The following RASSF3 variants were observed in gnomAD, a reference collection of about 807,000 sequenced individuals.
RASSF3 encodes the protein Ras association domain family member 3.
A neutral mutation model predicts 19.9 loss-of-function variants in RASSF3; 19 were observed. The observed-to-expected ratio is 0.96, with a 90% CI of 0.67 to 1.40. The LOEUF (loss-of-function observed/expected upper bound fraction) is 1.40. RASSF3 is among the 40% of genes most tolerant of loss of function. The probability of loss-of-function intolerance (pLI) is 0.00; values close to 1 mark genes in which losing one functional copy is unlikely to be tolerated. For missense variants in RASSF3, 306 were observed against 289.8 expected, an observed-to-expected ratio of 1.06 and a Z score of -0.41; for synonymous variants, 110 against 104.2, an observed-to-expected ratio of 1.06 and a Z score of -0.34.
At chr12:64,528,436 G>T (rs749129054), upstream of RASSF3, among the ~76,000 whole-genome samples, 1 of 152,176 alleles carries the variant, frequency 6.6e-6, no homozygotes, top group Non-Finnish European at 1.5e-5. Context: ...GATTTTCAAA[G>T]GTCATGCAGG....
Position 64,580,478 on chromosome 12 carries a change from GC to G in RASSF3, c.294+38774del, listed in dbSNP as rs1869673751. Among the ~76,000 whole-genome samples, 3 of 151,702 alleles carry G rather than the reference GC, an allele frequency of 2.0e-5. No homozygotes were observed. The South Asian group carries it at 6.2e-4, about 32-fold the overall frequency. On this transcript the variant is annotated intron_variant, in intron 2 of 5. Transcript: ENST00000637125. ...TCCTGGGAGGCTGGGGTGGGAAGAT[GC>G]TTTGAGTCCAGGAGATCGAGGCTGC...
chr12:64,604,376 T>C (rs1419262797), intron 2 of RASSF3, among the ~76,000 whole-genome samples: 2 of 152,208 alleles, frequency 1.3e-5, no homozygotes, highest in Non-Finnish European at 2.9e-5. Flanking sequence ...TCTGCCTGCC[T>C]CAGCCTCTCC....
At chr12:64,648,535 A>G (rs1252372611) in intron 1 of RASSF3, among the ~76,000 whole-genome samples, 1 of 146,664 alleles carries the variant, frequency 6.8e-6, no homozygotes, top group African/African-American at 2.5e-5. Context: ...TTTTTTTTTG[A>G]GATGGAGCAC....
At chr12:64,582,757 T>C (rs1345953235) in intron 2 of RASSF3, among the ~76,000 whole-genome samples, 1 of 152,182 alleles carries the variant, frequency 6.6e-6, no homozygotes, top group African/African-American at 2.4e-5. Flanking sequence ...GAATCAGACC[T>C]GGAGTCTTTC....
chr12:64,686,687 C>G (rs1471099374), intron 2 of RASSF3, among the ~76,000 whole-genome samples: 1 of 152,000 alleles, frequency 6.6e-6, no homozygotes, highest in Non-Finnish European at 1.5e-5. Context: ...ATTAGCCAGG[C>G]ATGGTGGCGG....
At chr12:64,621,968 G>A (rs1201066131) in intron 1 of RASSF3, among the ~76,000 whole-genome samples, 1 of 152,140 alleles carries the variant, frequency 6.6e-6, no homozygotes, top group Non-Finnish European at 1.5e-5. Flanking sequence ...AAAAAAGGGT[G>A]ACTAGAAGTT....
rs1196771176 is a variant in RASSF3 at position 64,696,513 on chromosome 12, T to G, written c.*1601T>G. The G allele has an allele frequency of 6.6e-6, 1 of 152,194 alleles. No individual in the cohort carries two copies. Among genetic ancestry groups the G allele is most frequent in the Non-Finnish European group, 1.5e-5 (1 of 68,030 alleles). The allele number at this position is 152,194 out of a possible 1,614,324, so 9.4% of individuals were successfully genotyped here. On this transcript the variant is annotated 3_prime_UTR_variant, in exon 5 of 5. Coordinates refer to ENST00000542104, the MANE Select transcript of RASSF3 (RefSeq NM_178169.4). ...AGTCTAGATATTTTTTGTTTATAAA[T>G]TCCCAAGGAATTGTTAACACTTTGG...
At chr12:64,584,687 G>A (rs553461994) in intron 2 of RASSF3, among the ~76,000 whole-genome samples, 4 of 151,948 alleles carry the variant, frequency 2.6e-5, no homozygotes, top group East Asian at 3.9e-4. Flanking sequence ...AAGACATAAC[G>A]GTCACCCTTG....
upstream of RASSF3, among the ~76,000 whole-genome samples, chr12:64,610,312 T>G (rs1309582032): frequency 6.7e-6 from 1 of 148,488 alleles, no homozygotes; most frequent in Non-Finnish European, 1.5e-5. Context: ...CCCGCGCGCC[T>G]GGAAGGGGCG....
intron 1 of RASSF3, among the ~76,000 whole-genome samples, chr12:64,535,688 AC>A (rs1868809224): frequency 8.5e-6 from 1 of 117,254 alleles, no homozygotes; most frequent in African/African-American, 3.4e-5. Flanking sequence ...TTTTGTTTTC[AC>A]TTTTTTTTTT....
chr12:64,620,381 T>C (rs1438544757), intron 1 of RASSF3, among the ~76,000 whole-genome samples: 1 of 152,192 alleles, frequency 6.6e-6, no homozygotes, highest in Non-Finnish European at 1.5e-5. Flanking sequence ...TTTTGGCTCA[T>C]GTGAATAATG....
In RASSF3 at chr12:64,523,134, G is replaced by A. The variant is rs554682010; in HGVS notation, c.169+15805G>A. ...AAAAAATAAGCTTCTGGCCAGGCAC[G>A]GTGGCTCAAGCCTGTAATCCCAGCA... On this transcript the variant is annotated intron_variant, in intron 1 of 5. Coordinates refer to the RASSF3 transcript ENST00000637125. 3.9e-5 allele frequency among the ~76,000 whole-genome samples: 6 copies of A among 152,268 alleles called. No homozygotes were observed. The East Asian group carries it at 1.2e-3, about 29-fold the overall frequency.
intron 2 of RASSF3, among the ~76,000 whole-genome samples, chr12:64,588,979 T>C (rs1869866911): frequency 6.6e-6 from 1 of 152,224 alleles, no homozygotes; most frequent in Non-Finnish European, 1.5e-5. Flanking sequence ...GTGACTTCTT[T>C]TTGTTTCTGA....
At chr12:64,546,073 G>A (rs1412984677), downstream of RASSF3, among the ~76,000 whole-genome samples, 21 of 123,258 alleles carry the variant, frequency 1.7e-4, no homozygotes, top group East Asian at 3.0e-3. Flanking sequence ...TCCAGCCTCC[G>A]CGACAGAGCA....
chr12:64,589,938 G>A (rs1869888373), intron 2 of RASSF3, among the ~76,000 whole-genome samples: 1 of 150,726 alleles, frequency 6.6e-6, no homozygotes, highest in South Asian at 2.1e-4. Flanking sequence ...GAAGATGGAG[G>A]TTGCAGTGAG....
upstream of RASSF3, among the ~76,000 whole-genome samples, chr12:64,530,414 A>T (rs1868683729): frequency 6.6e-6 from 1 of 151,764 alleles, no homozygotes; most frequent in African/African-American, 2.4e-5. Flanking sequence ...AAGTGCTGGG[A>T]TTACATATGT....
chr12:64,563,698 T>C (rs1486460147), intron 2 of RASSF3, among the ~76,000 whole-genome samples: 1 of 152,176 alleles, frequency 6.6e-6, no homozygotes, highest in Non-Finnish European at 1.5e-5. Flanking sequence ...CTGAGGTCCA[T>C]TGCGTTCATT....
At chr12:64,692,167 G>A (rs1374533933) in intron 4 of RASSF3, among the ~76,000 whole-genome samples, 1 of 152,148 alleles carries the variant, frequency 6.6e-6, no homozygotes. Context: ...AAGCACTTGA[G>A]CCTGCCCTCT....
At chr12:64,590,506 C>T (rs1004118936) in intron 2 of RASSF3, among the ~76,000 whole-genome samples, 1 of 152,138 alleles carries the variant, frequency 6.6e-6, no homozygotes, top group African/African-American at 2.4e-5. Flanking sequence ...CATATACACA[C>T]AACACACATA....
Sources: allele counts gnomAD v4.1 joint callset (sites outside exome capture counted in the v4.1 genomes callset), GRCh38; gene constraint gnomAD v4.1.1; transcripts MANE v1.5; gene names NCBI Gene and HGNC (gene_info 2026-07-23, HGNC 2026-07-21).